SPAG16: variants seen among roughly 807,000 people sequenced by gnomAD.
The protein encoded by SPAG16 is sperm associated antigen 16.
Under a neutral mutation model 80.4 loss-of-function variants are expected in SPAG16, and 86 were observed. The ratio of observed to expected loss-of-function variants is 1.07; its 90% confidence interval spans 0.90 to 1.28. SPAG16 has a LOEUF of 1.28. SPAG16 is among the 50% of genes most tolerant of loss of function. The probability of loss-of-function intolerance (pLI) is 0.00; values close to 1 mark genes in which losing one functional copy is unlikely to be tolerated. For synonymous variants in SPAG16, 294 were observed against 265.9 expected (o/e 1.11, Z -1.03); for missense variants, 870 against 765.3 (o/e 1.14, Z -1.61).
At chr2:214,006,484 G>T in intron 12 of SPAG16, among the ~76,000 whole-genome samples, 1 of 151,824 alleles carries the variant, frequency 6.6e-6, no homozygotes, top group East Asian at 1.9e-4. Context: ...AATTAAAGCA[G>T]CAAGGAAAGA....
intron 10 of SPAG16, among the ~76,000 whole-genome samples, chr2:213,574,827 T>C (rs1217034842): frequency 6.6e-6 from 1 of 151,870 alleles, no homozygotes; most frequent in Admixed American, 6.6e-5. Context: ...TTAACAGCTC[T>C]TTATAAACAC....
chr2:213,839,750 T>C lies in SPAG16; in HGVS notation c.1071-22735T>C, dbSNP rs1180242148. On this transcript the variant is annotated intron_variant, in intron 10 of 15. Transcript: ENST00000331683. ...AGCATGCATACTACCATGTAACCCATTGATGAAATTTCAGGGTTTTTATTA... is the reference window on the plus strand; with the variant it reads ...AGCATGCATACTACCATGTAACCCACTGATGAAATTTCAGGGTTTTTATTA... Among the ~76,000 whole-genome samples the C allele has an allele frequency of 1.3e-5, 2 of 152,112 alleles. 1 individual carries two copies. The highest frequency in any genetic ancestry group is 2.9e-5 in the Non-Finnish European group (2 of 67,990).
chr2:213,761,601 C>A (rs931011606), intron 10 of SPAG16, among the ~76,000 whole-genome samples: 6 of 152,130 alleles, frequency 3.9e-5, no homozygotes, highest in African/African-American at 1.4e-4. Flanking sequence ...GTGGCTCACG[C>A]CTGTAATCTC....
intron 4 of SPAG16, among the ~76,000 whole-genome samples, chr2:213,314,923 T>C (rs2126128919): frequency 6.6e-6 from 1 of 152,072 alleles, no homozygotes; most frequent in South Asian, 2.1e-4. Flanking sequence ...GGAATATTGA[T>C]TCAATTATCT....
intron 12 of SPAG16, among the ~76,000 whole-genome samples, chr2:213,989,284 C>T (rs1247721039): frequency 6.6e-6 from 1 of 152,040 alleles, no homozygotes; most frequent in Non-Finnish European, 1.5e-5. Flanking sequence ...GAGTGAGTTC[C>T]CTAATGTTTA....
At chr2:213,832,659 A>G (rs2073737317) in intron 10 of SPAG16, among the ~76,000 whole-genome samples, 1 of 152,164 alleles carries the variant, frequency 6.6e-6, no homozygotes, top group Non-Finnish European at 1.5e-5. Flanking sequence ...TGGAACAGAC[A>G]GTCCTTGCTA....
intron 15 of SPAG16, among the ~76,000 whole-genome samples, chr2:214,395,712 A>AC (rs917468246): frequency 6.7e-6 from 1 of 149,098 alleles, no homozygotes; most frequent in Non-Finnish European, 1.5e-5. Context: ...CCTGGTGTCT[A>AC]TTTTTTTTTC....
chr2:214,093,739 T>C (rs2052386509), intron 13 of SPAG16, among the ~76,000 whole-genome samples: 1 of 152,098 alleles, frequency 6.6e-6, no homozygotes, highest in African/African-American at 2.4e-5. Context: ...ACTTTTTCTA[T>C]AAAAGGCTAG....
chr2:214,333,015 T>A (rs1329393048), intron 15 of SPAG16, among the ~76,000 whole-genome samples: 1 of 152,222 alleles, frequency 6.6e-6, no homozygotes, highest in African/African-American at 2.4e-5. Context: ...AATTCTCAAA[T>A]GGTTTAAATA....
chr2:213,929,646 T>C (rs2078660437), intron 11 of SPAG16, among the ~76,000 whole-genome samples: 1 of 152,216 alleles, frequency 6.6e-6, no homozygotes, highest in Non-Finnish European at 1.5e-5. Flanking sequence ...GAGCCTAATA[T>C]ATACAACGCT....
At chr2:214,117,153 A>G (rs564951836) in intron 14 of SPAG16, among the ~76,000 whole-genome samples, 1 of 152,190 alleles carries the variant, frequency 6.6e-6, no homozygotes, top group African/African-American at 2.4e-5. Flanking sequence ...GAAATTTTAT[A>G]GAGAGATTGA....
At chr2:213,953,328 T>C (rs1382869729) in intron 12 of SPAG16, among the ~76,000 whole-genome samples, 2 of 151,620 alleles carry the variant, frequency 1.3e-5, no homozygotes, top group African/African-American at 4.8e-5. Flanking sequence ...CAAAAAATAT[T>C]TTAACATCCA....
chr2:213,854,820 A>G (rs1038189300), intron 10 of SPAG16, among the ~76,000 whole-genome samples: 2 of 152,392 alleles, frequency 1.3e-5, no homozygotes, highest in Non-Finnish European at 2.9e-5. Flanking sequence ...ACCCCATGTC[A>G]TGCAAATGTT....
At chr2:213,550,187 T>C (rs2076739692) in intron 10 of SPAG16, among the ~76,000 whole-genome samples, 1 of 151,912 alleles carries the variant, frequency 6.6e-6, no homozygotes, top group African/African-American at 2.4e-5. Context: ...TAATTTGTTT[T>C]TATATAATTT....
At chr2:213,686,548 T>C (rs1249807608) in intron 10 of SPAG16, among the ~76,000 whole-genome samples, 1 of 152,186 alleles carries the variant, frequency 6.6e-6, no homozygotes, top group Non-Finnish European at 1.5e-5. Flanking sequence ...TAAAGGGAGT[T>C]CCCTGCAGAC....
At chr2:213,407,513 C>T (rs778022430) in intron 9 of SPAG16, among the ~76,000 whole-genome samples, 8 of 151,834 alleles carry the variant, frequency 5.3e-5, no homozygotes, top group Non-Finnish European at 7.4e-5. Flanking sequence ...ACAACCCCCC[C>T]GTTCAACCCC....
chr2:213,984,396 A>T (rs2045909836), intron 12 of SPAG16, among the ~76,000 whole-genome samples: 1 of 152,254 alleles, frequency 6.6e-6, no homozygotes, highest in African/African-American at 2.4e-5. Flanking sequence ...TATGCAGTAT[A>T]TCAGAGCCTT....
intron 1 of SPAG16, chr2:213,284,830 C>T (rs2061995875): frequency 6.1e-6 from 4 of 652,900 alleles, no homozygotes; most frequent in East Asian, 5.9e-5. Context: ...GTGTCCTGTA[C>T]CTGTTAGAAG....
At chr2:214,365,773 C>G (rs1254384766) in intron 15 of SPAG16, among the ~76,000 whole-genome samples, 1 of 152,028 alleles carries the variant, frequency 6.6e-6, no homozygotes, top group Non-Finnish European at 1.5e-5. Context: ...ATTAGTCTGT[C>G]GTATAAAACA....
Sources: allele counts gnomAD v4.1 joint callset (sites outside exome capture counted in the v4.1 genomes callset), GRCh38; gene constraint gnomAD v4.1.1; transcripts MANE v1.5; gene names NCBI Gene and HGNC (gene_info 2026-07-23, HGNC 2026-07-21).